URGCP: variants seen among roughly 807,000 people sequenced by gnomAD.
The protein encoded by URGCP is upregulator of cell proliferation.
URGCP carries 13 observed loss-of-function variants against 24.6 expected under a neutral mutation model. The observed-to-expected ratio is 0.53, with a 90% CI of 0.34 to 0.84. The LOEUF (loss-of-function observed/expected upper bound fraction) is 0.84, where lower values mean the gene tolerates loss of function less well. Among genes scored for constraint, URGCP ranks in the 40% least tolerant of loss-of-function variants. The probability of loss-of-function intolerance (pLI) is 0.01; values close to 1 mark genes in which losing one functional copy is unlikely to be tolerated. For synonymous variants in URGCP, 444 were observed against 487.2 expected (o/e 0.91, Z 1.17); for missense variants, 899 against 1,194.3 (o/e 0.75, Z 3.64).
At chr7:43,881,163 T>C (rs756622094) in intron 5 of URGCP, 4 of 701,046 alleles carry the variant, frequency 5.7e-6, no homozygotes, top group African/African-American at 5.3e-5. Flanking sequence ...TAACTTTTTA[T>C]TTTTTAAGTA....
chr7:43,922,923 CGTCT>C (rs1269201326), intron 1 of URGCP, among the ~76,000 whole-genome samples: 1 of 149,448 alleles, frequency 6.7e-6, no homozygotes, highest in African/African-American at 2.5e-5. Flanking sequence ...TCTTTCTTTC[CGTCT>C]TTCTTTCTTT....
chr7:43,918,993 G>A, intron 1 of URGCP: 1 of 1,259,856 alleles, frequency 7.9e-7, no homozygotes, highest in South Asian at 1.2e-5. Context: ...TGGGGGAAGA[G>A]CTGGCAACAA....
At chr7:43,920,568 C>T (rs1293630379) in intron 1 of URGCP, among the ~76,000 whole-genome samples, 1 of 151,926 alleles carries the variant, frequency 6.6e-6, no homozygotes, top group Non-Finnish European at 1.5e-5. Context: ...GTCTCAAAAA[C>T]AACAAAAAAA....
At chr7:43,885,678 C>T (rs956911730) in intron 3 of URGCP, among the ~76,000 whole-genome samples, 1 of 152,122 alleles carries the variant, frequency 6.6e-6, no homozygotes, top group African/African-American at 2.4e-5. Context: ...CAACCTAGCT[C>T]ACAATAAGCA....
chr7:43,882,099 A>C, intron 3 of URGCP, 142 bp from the exon 4 acceptor site: 1 of 1,417,748 alleles, frequency 7.1e-7, no homozygotes, highest in Non-Finnish European at 9.4e-7. Flanking sequence ...GGAGTTTGAG[A>C]CCAGCCTGGG....
upstream of URGCP, chr7:43,926,629 G>A (rs1171609860): frequency 4.8e-6 from 7 of 1,456,066 alleles, no homozygotes; most frequent in Middle Eastern, 1.8e-4. Flanking sequence ...CCGCTGCCGT[G>A]AAGTGAAAGG....
At chr7:43,900,464 C>CAAAAAA (rs1166653286) in intron 1 of URGCP, among the ~76,000 whole-genome samples, 2 of 54,482 alleles carry the variant, frequency 3.7e-5, no homozygotes, top group African/African-American at 8.3e-5. Context: ...CAAAAAAAAC[C>CAAAAAA]AAAACAAAAA....
chr7:43,900,097 T>C (rs1344658987), intron 1 of URGCP, among the ~76,000 whole-genome samples: 2 of 150,308 alleles, frequency 1.3e-5, no homozygotes, highest in African/African-American at 2.5e-5. Flanking sequence ...GCGAGCCATG[T>C]TGTTGCCATT....
At position 43,876,513 on chromosome 7, in the gene URGCP, T is replaced by C. The variant is rs1333179393; in HGVS notation, c.*154A>G. 2.6e-6 allele frequency: 2 copies of C among 759,942 alleles called. No homozygotes were observed. The highest frequency in any genetic ancestry group is 2.9e-5 in the Admixed American group (1 of 34,910). 47.1% of individuals were successfully genotyped at this position (759,942 alleles called of 1,614,324 possible). A position where few individuals can be genotyped will look rare whatever the true frequency, so the allele number is the denominator to read the frequency against. On this transcript the variant is annotated 3_prime_UTR_variant, in exon 6 of 6. Coordinates refer to ENST00000453200, the MANE Select transcript of URGCP (RefSeq NM_001077663.3). ...AGGTCACTTCCTCTTTTAACACTGT[T>C]GAGGAGACTCCAAACCCTGTCTTTT...
In URGCP at chr7:43,878,877, T is replaced by C. The variant is rs757145858; in HGVS notation, c.586A>G (p.Ser196Gly). Reference protein sequence around the residue: ...LLCALLLSSDSFLQQEIALKM... With the variant: ...LLCALLLSSDGFLQQEIALKM... ...AACGCTATTTCTTGTTGCAGGAAAC[T>C]GTCTGAGGAGAGCAGCAGGGCACAG... Residue 196 changes from serine to glycine, a missense_variant, in exon 6 of 6, where the codon AGT becomes GGT. Coordinates refer to ENST00000453200, the MANE Select transcript of URGCP (RefSeq NM_001077663.3). This position sits in a 1 kb window ranked among gnomAD's most constrained non-coding sequence, Gnocchi z 5.6. 1 of 1,614,212 alleles carries C rather than the reference T, an allele frequency of 6.2e-7. No homozygotes were observed. Among genetic ancestry groups the C allele is most frequent in the Non-Finnish European group, 8.5e-7 (1 of 1,180,034 alleles).
At chr7:43,883,991 TAGAGA>T (rs1184644476) in intron 3 of URGCP, among the ~76,000 whole-genome samples, 4 of 152,098 alleles carry the variant, frequency 2.6e-5, no homozygotes, top group African/African-American at 4.8e-5. Context: ...AGAAAATGGT[TAGAGA>T]AAAGAATGGG....
rs1457312575 is a variant in URGCP, at chr7:43,877,070, G to C, written c.2393C>G (p.Ala798Gly). ...SLAETKDIPA[A>G]ILHAFLRLEK... is the part of the protein sequence containing the mutation. ...TAACCTCAGAAATGCATGCAGAATAGCTGCTGGAATGTCCTTGGTTTCAGC... is the reference window on the plus strand; with the variant it reads ...TAACCTCAGAAATGCATGCAGAATACCTGCTGGAATGTCCTTGGTTTCAGC... Residue 798 changes from alanine to glycine, a missense_variant, in exon 6 of 6, where the codon GCT (alanine) becomes GGT (glycine). Transcript: ENST00000453200. 1.2e-6 allele frequency: 2 copies of C among 1,614,232 alleles called. No homozygotes were observed. The highest frequency in any genetic ancestry group is 1.7e-6 in the Non-Finnish European group (2 of 1,180,034).
chr7:43,891,048 T>C (rs949056945), intron 1 of URGCP, among the ~76,000 whole-genome samples: 1 of 152,266 alleles, frequency 6.6e-6, no homozygotes, highest in Non-Finnish European at 1.5e-5. Context: ...CTGGAGATTC[T>C]GATTTAGCAG....
chr7:43,881,196 G>GA, intron 5 of URGCP: 1 of 702,770 alleles, frequency 1.4e-6, no homozygotes, highest in Non-Finnish European at 2.6e-6. Flanking sequence ...AAGGCAATGG[G>GA]AAAAAGACAA....
At chr7:43,916,433 G>A (rs1220445898) in intron 1 of URGCP, among the ~76,000 whole-genome samples, 1 of 152,134 alleles carries the variant, frequency 6.6e-6, no homozygotes, top group East Asian at 1.9e-4. Context: ...AACATCCTGA[G>A]GCAGTTATTT....
At chr7:43,908,052 AAT>A (rs756270774), upstream of URGCP, among the ~76,000 whole-genome samples, 5 of 152,192 alleles carry the variant, frequency 3.3e-5, no homozygotes, top group Non-Finnish European at 5.9e-5. Flanking sequence ...TCAAGGGAGT[AAT>A]GAAATGAAGG....
At chr7:43,891,399 A>G (rs2095870427) in intron 1 of URGCP, among the ~76,000 whole-genome samples, 1 of 152,220 alleles carries the variant, frequency 6.6e-6, no homozygotes, top group African/African-American at 2.4e-5. Flanking sequence ...AAAAGGAGTC[A>G]GGCTGGTGGG....
chr7:43,918,626 G>A, intron 1 of URGCP: 1 of 568,764 alleles, frequency 1.8e-6, no homozygotes, highest in Non-Finnish European at 3.2e-6. Flanking sequence ...AATTAAAAGT[G>A]GATATCTGGG....
upstream of URGCP, among the ~76,000 whole-genome samples, chr7:43,908,458 T>G (rs76148821): frequency 2.5e-3 from 377 of 152,302 alleles, 1 homozygote; most frequent in African/African-American, 8.3e-3. Flanking sequence ...CCCCAAAATA[T>G]GGCACTTTAA....
Sources: gnomAD v4.1 joint callset for allele counts (sites outside exome capture counted in the v4.1 genomes callset) on GRCh38, gnomAD v4.1.1 for gene constraint, Gnocchi (gnomAD v3.1) non-coding constraint, MANE v1.5 for transcripts, NCBI Gene and HGNC (gene_info 2026-07-23, HGNC 2026-07-21) for gene names.